CCDC181: variants seen among roughly 807,000 people sequenced by gnomAD.
CCDC181 encodes coiled-coil domain containing 181, also known as coiled-coil domain-containing protein 181.
Under a neutral mutation model 58.7 loss-of-function variants are expected in CCDC181, and 35 were observed. The ratio of observed to expected loss-of-function variants is 0.60; its 90% confidence interval spans 0.46 to 0.79. The LOEUF (loss-of-function observed/expected upper bound fraction) is 0.79, where lower values mean the gene tolerates loss of function less well. Among genes scored for constraint, CCDC181 ranks in the 30% least tolerant of loss-of-function variants. The pLI is 0.00. For missense variants in CCDC181, 517 were observed against 583.9 expected (o/e 0.89, Z 1.18); for synonymous variants, 183 against 197.5 (o/e 0.93, Z 0.62).
intron 2 of CCDC181, among the ~76,000 whole-genome samples, chr1:169,447,785 A>T (rs1571516622): frequency 1.3e-5 from 2 of 152,028 alleles, no homozygotes; most frequent in South Asian, 4.1e-4. Context: ...CTTGTTCTGA[A>T]TTTTGTATTG....
intron 3 of CCDC181, among the ~76,000 whole-genome samples, chr1:169,420,052 T>G (rs757614470): frequency 4.1e-4 from 62 of 152,108 alleles, no homozygotes; most frequent in Admixed American, 1.6e-3. Flanking sequence ...AGAATCCAAA[T>G]GAAAACAGAA....
chr1:169,422,306 C>G lies in CCDC181; in HGVS notation c.125G>C (p.Cys42Ser), dbSNP rs1165520496. The change falls in exon 3 of 6, where the codon TGT becomes TCT. Residue 42 changes from cysteine to serine, a missense_variant. Physicochemically the swap from Cys to Ser is moderately radical, Grantham distance 112. Transcript: ENST00000367806. ...KSDASIIEMA[C>S]EKEENINQDL... ...TTGGTTAATATTCTCTTCCTTCTCA[C>G]AAGCCATCTAAAAACAAGATATTTT... is the stretch of plus-strand genomic sequence containing the variant. The G allele has an allele frequency of 6.5e-6, 10 of 1,533,876 alleles. No homozygotes were observed. The highest frequency in any genetic ancestry group is 8.8e-6 in the Non-Finnish European group (10 of 1,132,676).
intron 2 of CCDC181, among the ~76,000 whole-genome samples, chr1:169,458,664 G>A: frequency 6.6e-6 from 1 of 151,842 alleles, no homozygotes; most frequent in East Asian, 1.9e-4. Context: ...CTTGGTACTT[G>A]CTCATTTCTG....
chr1:169,430,678 A>C (rs575477654), upstream of CCDC181, among the ~76,000 whole-genome samples: 285 of 151,326 alleles, frequency 1.9e-3, 1 homozygote, highest in African/African-American at 6.4e-3. Flanking sequence ...GAAAAAAAAA[A>C]ACACACAAAT....
chr1:169,431,059 G>A (rs534139638), upstream of CCDC181, among the ~76,000 whole-genome samples: 1 of 152,294 alleles, frequency 6.6e-6, no homozygotes, highest in South Asian at 2.1e-4. Flanking sequence ...TGGTCCTTTT[G>A]TTACTTAAAC....
In CCDC181 at chr1:169,424,816, T is replaced by A; in HGVS notation, c.112A>T (p.Ile38Leu). 1.3e-6 allele frequency: 2 copies of A among 1,553,762 alleles called. No homozygotes were observed. Among genetic ancestry groups the A allele is most frequent in the Non-Finnish European group, 1.8e-6 (2 of 1,129,616 alleles). The change falls in exon 2 of 6, where the codon ATA becomes TTA. Residue 38 changes from isoleucine (I) to leucine (L), a missense_variant. Transcript: ENST00000367806. Reference protein sequence around the residue: ...NENEKSDASIIEMACEKEENI... With the variant: ...NENEKSDASILEMACEKEENI... ...ATGCTGTTGGCAATATATACCTCTA[T>A]TATGCTGGCATCACTTTTTTCATTT...
chr1:169,416,115 G>A (rs1656201953), intron 4 of CCDC181, among the ~76,000 whole-genome samples: 1 of 152,178 alleles, frequency 6.6e-6, no homozygotes, highest in Admixed American at 6.5e-5. Context: ...GGCCCCAGTG[G>A]CCTAGATTTT....
At chr1:169,411,633 G>A (rs774978093) in intron 4 of CCDC181, among the ~76,000 whole-genome samples, 27 of 152,132 alleles carry the variant, frequency 1.8e-4, no homozygotes, top group Admixed American at 7.2e-4. Flanking sequence ...GTGAAAATTC[G>A]CAATAAAATA....
chr1:169,452,507 G>C (rs1035824145), intron 2 of CCDC181: 1 of 152,144 alleles, frequency 6.6e-6, no homozygotes, highest in Admixed American at 6.6e-5. Context: ...AATTCAAGTA[G>C]AGGAGGATTT....
At chr1:169,398,048 T>C (rs1363704438) in intron 4 of CCDC181, among the ~76,000 whole-genome samples, 2 of 152,196 alleles carry the variant, frequency 1.3e-5, no homozygotes, top group African/African-American at 4.8e-5. Flanking sequence ...TAGAAGATTA[T>C]TCAGGATCTT....
chr1:169,419,973 G>A (rs1195064511), intron 3 of CCDC181, among the ~76,000 whole-genome samples: 1 of 152,160 alleles, frequency 6.6e-6, no homozygotes, highest in Admixed American at 6.5e-5. Context: ...ACCATGCCTT[G>A]AGCCAAGTTA....
chr1:169,397,291 T>A lies in CCDC181; in HGVS notation c.1316A>T (p.Glu439Val), dbSNP rs1481868919. 12 of 1,611,608 alleles carry A rather than the reference T, an allele frequency of 7.4e-6. No homozygotes were observed. Among genetic ancestry groups the A allele is most frequent in the Non-Finnish European group, 1.0e-5 (12 of 1,178,918 alleles). The change falls in exon 5 of 6, where the codon GAG becomes GTG. Residue 439 changes from glutamate to valine, a missense_variant. Glu to Val is a moderately radical substitution (Grantham distance 121). Transcript: ENST00000367806. ...ERQTEELRKQEECLFFLKGTE... is the reference protein window; with the variant it reads ...ERQTEELRKQVECLFFLKGTE... ...TCCTTTAAGGAAGAATAAACATTCCTCTTGCTTTCTTAGTTCTTCTGTCTG... is the reference window on the plus strand; with the variant it reads ...TCCTTTAAGGAAGAATAAACATTCCACTTGCTTTCTTAGTTCTTCTGTCTG...
intron 4 of CCDC181, among the ~76,000 whole-genome samples, chr1:169,400,760 C>T (rs933440716): frequency 6.6e-5 from 10 of 152,108 alleles, no homozygotes; most frequent in South Asian, 2.1e-4. Context: ...ATGCAGAAGA[C>T]GGGTGATTTC....
At position 169,439,755 on chromosome 1, in the gene CCDC181, G is replaced by T. The variant is rs114311774; in HGVS notation, c.-23-14805C>A. ...TCAGGTCACATGGACTTAAAGGATG[G>T]TGAATGCAGGGATTTTACTGAGTGA... is the stretch of plus-strand genomic sequence containing the variant. On this transcript the variant is annotated intron_variant, in intron 2 of 6. Transcript: ENST00000545005. Among the ~76,000 whole-genome samples the T allele has an allele frequency of 9.5e-3, 1,453 of 152,248 alleles. 21 individuals are homozygous for T. Among genetic ancestry groups the T allele is most frequent in the African/African-American group, 0.033 (1,377 of 41,540 alleles).
At chr1:169,447,968 T>C (rs1486678008) in intron 2 of CCDC181, among the ~76,000 whole-genome samples, 1 of 152,176 alleles carries the variant, frequency 6.6e-6, no homozygotes, top group Non-Finnish European at 1.5e-5. Context: ...TTTTATACTA[T>C]CCATTTTATC....
At position 169,424,886 on chromosome 1, in the gene CCDC181, T is replaced by C. The variant is rs773167593; in HGVS notation, c.42A>G (p.Glu14=). The C allele has an allele frequency of 1.9e-6, 3 of 1,605,482 alleles. No individual in the cohort carries two copies. The highest frequency in any genetic ancestry group is 2.6e-6 in the Non-Finnish European group (3 of 1,173,348). The change falls in exon 2 of 6, where the codon GAA becomes GAG. Residue 14 remains glutamate, a synonymous_variant. Coordinates refer to ENST00000367806, the MANE Select transcript of CCDC181 (RefSeq NM_001300969.2). ...NKDTDSKKSE[E]YEDDFEKDLE... ...GGTCCTTTTCAAAGTCATCTTCGTA[T>C]TCTTCACTTTTCTTTGAATCAGTAT...
intron 3 of CCDC181, among the ~76,000 whole-genome samples, chr1:169,419,995 C>G (rs1473667709): frequency 6.6e-6 from 1 of 152,048 alleles, no homozygotes; most frequent in Non-Finnish European, 1.5e-5. Flanking sequence ...TTATAGGATA[C>G]AATAAAAGTG....
intron 4 of CCDC181, among the ~76,000 whole-genome samples, chr1:169,403,528 G>A (rs371294123): frequency 7.9e-5 from 12 of 152,236 alleles, no homozygotes; most frequent in African/African-American, 2.6e-4. Flanking sequence ...GCTCAACTAC[G>A]TGGAAACTGA....
Position 169,449,492 on chromosome 1 carries a change from G to A in CCDC181, c.-24+10305C>T, listed in dbSNP as rs888561941. Among the ~76,000 whole-genome samples, 9 of 152,340 alleles carry A rather than the reference G, an allele frequency of 5.9e-5. No individual in the cohort carries two copies. In the South Asian group the frequency reaches 1.2e-3, roughly 21 times the overall value. ...AGAGTCTTGGCTCACACAATCACAA[G>A]GTGAAGTCCCACAACAGGCCATCTG... On this transcript the variant is annotated intron_variant, in intron 2 of 6. Transcript: ENST00000545005.
Sources: allele counts gnomAD v4.1 joint callset (sites outside exome capture counted in the v4.1 genomes callset), GRCh38; gene constraint gnomAD v4.1.1; transcripts MANE v1.5; gene names NCBI Gene and HGNC (gene_info 2026-07-23, HGNC 2026-07-21).